The following PPEF2 variants were observed in gnomAD, a reference collection of about 807,000 sequenced individuals.
PPEF2 encodes the protein serine/threonine-protein phosphatase with EF-hands 2.
A neutral mutation model predicts 84.7 loss-of-function variants in PPEF2; 84 were observed. That is an observed-to-expected ratio of 0.99 (90% CI 0.83 to 1.19). PPEF2 has a LOEUF of 1.19. Among genes scored for constraint, PPEF2 ranks in the 50% most tolerant of loss-of-function variants. PPEF2 has a pLI of 0.00. For missense variants in PPEF2, 924 were observed against 937.5 expected (o/e 0.99, Z 0.19); for synonymous variants, 346 against 345.2 (o/e 1.00, Z -0.03).
intron 10 of PPEF2, among the ~76,000 whole-genome samples, chr4:75,880,479 T>C (rs1157287211): frequency 6.6e-6 from 1 of 152,186 alleles, no homozygotes; most frequent in Non-Finnish European, 1.5e-5. Flanking sequence ...GGAAGTTAGT[T>C]TTTTGCTAAG....
In PPEF2 at chr4:75,876,665, G is replaced by A. The variant is rs1724426306; in HGVS notation, c.942C>T (p.Ser314=). The part of the protein sequence containing the change: ...LDKIERSKIV[S]TMRCKTRQKS... ...TCTGTCTCGTTTTGCACCTCATGGT[G>A]GAAACTATCTAAACACGTCCAGAAA... The change falls in exon 11 of 17, where the codon TCC becomes TCT. Residue 314 remains serine (S), a synonymous_variant. Coordinates refer to ENST00000286719, the MANE Select transcript of PPEF2 (RefSeq NM_006239.3). 1 of 1,546,556 alleles carries A rather than the reference G, an allele frequency of 6.5e-7. No individual in the cohort carries two copies. The highest frequency in any genetic ancestry group is 2.3e-5 in the East Asian group (1 of 44,100).
At chr4:75,873,489 C>CT (rs1293592990) in intron 11 of PPEF2, among the ~76,000 whole-genome samples, 177 bp from the exon 12 acceptor site, 6 of 152,186 alleles carry the variant, frequency 3.9e-5, no homozygotes, top group African/African-American at 1.4e-4. Flanking sequence ...TCCAGAATTT[C>CT]TTATTACTCA....
chr4:75,875,884 G>A (rs1724394164), intron 11 of PPEF2, among the ~76,000 whole-genome samples: 1 of 152,110 alleles, frequency 6.6e-6, no homozygotes, highest in Non-Finnish European at 1.5e-5. Context: ...GTGGCCATGT[G>A]ACCCAGTTCT....
chr4:75,866,321 CGCT>C lies in PPEF2; in HGVS notation c.1785_1787del (p.Ala596del). The stretch of plus-strand genomic sequence containing the variant: ...GTCCTAGGTGCAACACAGACTCCAC[CGCT>C]GCTGCCCAGTCACTCAAGGTGATTA... On this transcript the variant is annotated inframe_deletion, in exon 15 of 17. Transcript: ENST00000286719. 6.2e-7 allele frequency: 1 copy of C among 1,613,854 alleles called. No homozygotes were observed.
At chr4:75,880,948 C>T (rs11097164) in intron 10 of PPEF2, among the ~76,000 whole-genome samples, 131,283 of 151,462 alleles carry the variant, frequency 0.87, 59,690 homozygotes, top group Non-Finnish European at 0.99. Context: ...TACAGGCGCA[C>T]GCTGCCATGC....
intron 10 of PPEF2, among the ~76,000 whole-genome samples, chr4:75,879,637 A>C (rs1724514134): frequency 6.6e-6 from 1 of 152,158 alleles, no homozygotes; most frequent in African/African-American, 2.4e-5. Context: ...AGGAACAATC[A>C]GAACTGATAT....
chr4:75,873,794 ATT>A (rs781257047), intron 11 of PPEF2, among the ~76,000 whole-genome samples: 4 of 145,596 alleles, frequency 2.7e-5, no homozygotes, highest in East Asian at 2.0e-4. Context: ...TAGTTTAAGA[ATT>A]TTTTTTTTTT....
intron 2 of PPEF2, 61 bp from the exon 3 acceptor site, chr4:75,892,039 G>A: frequency 6.3e-7 from 1 of 1,589,742 alleles, no homozygotes; most frequent in East Asian, 2.3e-5. Context: ...GGGGTTTGGG[G>A]GTAGGGAGAG....
intron 10 of PPEF2, among the ~76,000 whole-genome samples, chr4:75,877,284 C>T (rs1724451323): frequency 6.6e-6 from 1 of 151,296 alleles, no homozygotes; most frequent in Non-Finnish European, 1.5e-5. Context: ...TTGCGGTGAG[C>T]CAAGATTGCA....
chr4:75,888,470 G>A (rs2149225855), intron 5 of PPEF2, 142 bp from the exon 6 acceptor site: 5 of 584,856 alleles, frequency 8.5e-6, no homozygotes, highest in South Asian at 4.3e-5. Context: ...GACTATGCAC[G>A]GATTCTTTCT....
chr4:75,875,380 G>A (rs1724382778), intron 11 of PPEF2, among the ~76,000 whole-genome samples: 1 of 152,172 alleles, frequency 6.6e-6, no homozygotes, highest in African/African-American at 2.4e-5. Flanking sequence ...AGGCCAAGGT[G>A]GGTGATTGCT....
At chr4:75,887,849 G>A (rs1724769981) in intron 6 of PPEF2, among the ~76,000 whole-genome samples, 1 of 152,118 alleles carries the variant, frequency 6.6e-6, no homozygotes, top group South Asian at 2.1e-4. Context: ...GTGTGTGGAT[G>A]GGAGGAATAA....
At chr4:75,888,949 C>T (rs907204686) in intron 5 of PPEF2, among the ~76,000 whole-genome samples, 39 of 152,372 alleles carry the variant, frequency 2.6e-4, no homozygotes, top group African/African-American at 7.0e-4. Context: ...TGATGGCTCA[C>T]GCCTGTAATC....
chr4:75,863,177 G>A (rs1177141503), intron 16 of PPEF2, among the ~76,000 whole-genome samples: 1 of 152,040 alleles, frequency 6.6e-6, no homozygotes, highest in African/African-American at 2.4e-5. Flanking sequence ...TAATAGGTAT[G>A]AGATTTCTTT....
rs781501625 is a variant in PPEF2 at position 75,876,386 on chromosome 4, G to A, written c.1221C>T (p.Leu407=). The A allele has an allele frequency of 4.3e-6, 7 of 1,614,158 alleles. No homozygotes were observed. In the Admixed American group the frequency reaches 5.0e-5, roughly 12 times the overall value. Residue 407 remains leucine (L), a synonymous_variant, in exon 11 of 17, where the codon CTC becomes CTT. Coordinates refer to ENST00000286719, the MANE Select transcript of PPEF2 (RefSeq NM_006239.3). ...GCTCCTCTTTCTCTCCGGTCACCAG[G>A]AGGCCTGCTTGCTGCCGGCACCGCT... The part of the protein sequence containing the change: ...ELERCRQQAG[L]LVTGEKEEPS...
At chr4:75,887,161 G>T in intron 6 of PPEF2, among the ~76,000 whole-genome samples, 1 of 152,192 alleles carries the variant, frequency 6.6e-6, no homozygotes, top group East Asian at 1.9e-4. Flanking sequence ...ATAGAATAGT[G>T]CAAGGTTGCA....
At chr4:75,874,494 A>G (rs1724361689) in intron 11 of PPEF2, among the ~76,000 whole-genome samples, 1 of 152,006 alleles carries the variant, frequency 6.6e-6, no homozygotes, top group South Asian at 2.1e-4. Flanking sequence ...ACAGGATTTC[A>G]CCATGTTAAC....
At chr4:75,892,417 AC>A (rs1431392758) in intron 2 of PPEF2, among the ~76,000 whole-genome samples, 1 of 152,132 alleles carries the variant, frequency 6.6e-6, no homozygotes, top group Non-Finnish European at 1.5e-5. Context: ...TGGGATCTAG[AC>A]CTAGAACTGC....
chr4:75,897,334 A>G lies in PPEF2; in HGVS notation c.-58-951T>C, dbSNP rs181029342. The stretch of plus-strand genomic sequence containing the variant: ...CAAATATCTGTTGATCTCACGTGGT[A>G]TATGCTCCCTGGCTGGTTTAATTAA... On this transcript the variant is annotated intron_variant, in intron 1 of 16. Coordinates refer to ENST00000286719, the MANE Select transcript of PPEF2 (RefSeq NM_006239.3). Among the ~76,000 whole-genome samples the G allele has an allele frequency of 1.7e-3, 256 of 152,240 alleles. 3 individuals carry two copies. The highest frequency in any genetic ancestry group is 7.2e-3 in the Admixed American group (110 of 15,290).
Sources: allele counts gnomAD v4.1 joint callset (sites outside exome capture counted in the v4.1 genomes callset), GRCh38; gene constraint gnomAD v4.1.1; transcripts MANE v1.5; gene names NCBI Gene and HGNC (gene_info 2026-07-23, HGNC 2026-07-21).